The following NELL1 variants were observed in gnomAD, a reference collection of about 807,000 sequenced individuals.
The protein encoded by NELL1 is protein kinase C-binding protein NELL1.
Under a neutral mutation model 107.4 loss-of-function variants are expected in NELL1, and 76 were observed. That is an observed-to-expected ratio of 0.71 (90% CI 0.59 to 0.86). The LOEUF (loss-of-function observed/expected upper bound fraction) is 0.86. Among genes scored for constraint, NELL1 ranks in the 40% least tolerant of loss-of-function variants. The pLI, the probability that NELL1 is intolerant of heterozygous loss-of-function variation, is 0.00. For missense variants in NELL1, 1,024 were observed against 1,005.5 expected (o/e 1.02, Z -0.25); for synonymous variants, 353 against 341.2 (o/e 1.03, Z -0.38).
At chr11:20,987,627 A>C (rs1851879869) in intron 12 of NELL1, among the ~76,000 whole-genome samples, 1 of 152,168 alleles carries the variant, frequency 6.6e-6, no homozygotes, top group South Asian at 2.1e-4. Context: ...AACCACTCCG[A>C]TGATTCAATT....
At chr11:20,915,313 T>C (rs1470175824) in intron 5 of NELL1, among the ~76,000 whole-genome samples, 1 of 151,878 alleles carries the variant, frequency 6.6e-6, no homozygotes, top group Non-Finnish European at 1.5e-5. Context: ...GAGGTCCTTT[T>C]ACCATTCATC....
At chr11:21,543,518 G>GAGGT (rs1856347145) in intron 16 of NELL1, among the ~76,000 whole-genome samples, 1 of 152,002 alleles carries the variant, frequency 6.6e-6, no homozygotes, top group Non-Finnish European at 1.5e-5. Context: ...GCAGAATGGA[G>GAGGT]AGGTTAAGAA....
chr11:20,751,587 C>T (rs545236152), intron 2 of NELL1, among the ~76,000 whole-genome samples: 6 of 152,066 alleles, frequency 3.9e-5, no homozygotes, highest in African/African-American at 1.2e-4. Context: ...AGTGATGCTC[C>T]CACTCCAGCC....
chr11:21,434,125 C>G (rs180683337), intron 15 of NELL1, among the ~76,000 whole-genome samples: 1 of 152,136 alleles, frequency 6.6e-6, no homozygotes, highest in East Asian at 1.9e-4. Flanking sequence ...CAAATATTTT[C>G]TTTTATTCTA....
At chr11:20,692,965 T>A (rs993764596) in intron 2 of NELL1, among the ~76,000 whole-genome samples, 4 of 152,178 alleles carry the variant, frequency 2.6e-5, no homozygotes, top group African/African-American at 9.7e-5. Flanking sequence ...TGAATCTGGG[T>A]GCTCCTGTAT....
At chr11:21,112,177 G>A (rs911346110) in intron 12 of NELL1, among the ~76,000 whole-genome samples, 1 of 151,858 alleles carries the variant, frequency 6.6e-6, no homozygotes, top group East Asian at 1.9e-4. Flanking sequence ...TTATTTCATG[G>A]TTATGAAAGT....
chr11:21,007,881 T>A (rs1321736772), intron 12 of NELL1, among the ~76,000 whole-genome samples: 2 of 152,166 alleles, frequency 1.3e-5, no homozygotes, highest in Non-Finnish European at 2.9e-5. Flanking sequence ...GATGTCAATA[T>A]GAATAGAAAT....
intron 2 of NELL1, among the ~76,000 whole-genome samples, chr11:20,748,085 A>G (rs1248973514): frequency 1.3e-5 from 2 of 152,208 alleles, no homozygotes; most frequent in Non-Finnish European, 2.9e-5. Flanking sequence ...GTTCAGATGC[A>G]AAACCTTCAT....
intron 12 of NELL1, among the ~76,000 whole-genome samples, chr11:21,107,686 G>A (rs769873481): frequency 2.0e-5 from 3 of 152,166 alleles, no homozygotes; most frequent in Non-Finnish European, 4.4e-5. Flanking sequence ...TGCAAAAAGA[G>A]GGGGTGGCCC....
At chr11:21,172,972 C>A (rs1856638520) in intron 13 of NELL1, among the ~76,000 whole-genome samples, 1 of 151,278 alleles carries the variant, frequency 6.6e-6, no homozygotes, top group Non-Finnish European at 1.5e-5. Flanking sequence ...ATTTATAGAA[C>A]TTTATCTCTG....
At chr11:21,275,100 A>G (rs1453150083) in intron 14 of NELL1, among the ~76,000 whole-genome samples, 1 of 152,206 alleles carries the variant, frequency 6.6e-6, no homozygotes, top group African/African-American at 2.4e-5. Context: ...CAAAAAATCA[A>G]TGAATCCAGG....
chr11:21,429,204 A>G (rs776645256), intron 15 of NELL1, among the ~76,000 whole-genome samples: 1 of 152,244 alleles, frequency 6.6e-6, no homozygotes, highest in South Asian at 2.1e-4. Context: ...GTTCACTGAA[A>G]TAGTAATTTT....
intron 14 of NELL1, among the ~76,000 whole-genome samples, chr11:21,250,568 C>A (rs1041189263): frequency 2.0e-5 from 3 of 152,144 alleles, no homozygotes; most frequent in African/African-American, 7.2e-5. Context: ...GGAAAGTTGT[C>A]ATATTTTGTC....
chr11:20,775,634 G>A (rs1856736333), intron 2 of NELL1, among the ~76,000 whole-genome samples: 2 of 152,260 alleles, frequency 1.3e-5, no homozygotes, highest in Middle Eastern at 3.4e-3. Flanking sequence ...TTGCTGGTGG[G>A]TGGCAGTGTG....
intron 3 of NELL1, among the ~76,000 whole-genome samples, chr11:20,811,197 T>C (rs76098911): frequency 0.02 from 2,997 of 152,272 alleles, 104 homozygotes; most frequent in African/African-American, 0.068. Context: ...AATTTTATTA[T>C]TTTGCATTTG....
At chr11:21,378,586 T>C (rs1403393916) in intron 15 of NELL1, among the ~76,000 whole-genome samples, 1 of 152,028 alleles carries the variant, frequency 6.6e-6, no homozygotes, top group Non-Finnish European at 1.5e-5. Flanking sequence ...AAGGAACATG[T>C]GACTCCAAAC....
At chr11:21,120,302 A>G (rs1392746355) in intron 13 of NELL1, among the ~76,000 whole-genome samples, 1 of 152,166 alleles carries the variant, frequency 6.6e-6, no homozygotes, top group Non-Finnish European at 1.5e-5. Flanking sequence ...TACTCCCATG[A>G]TGAACTATAC....
intron 9 of NELL1, among the ~76,000 whole-genome samples, chr11:20,928,712 T>C (rs1330376315): frequency 2.6e-5 from 4 of 152,144 alleles, no homozygotes; most frequent in African/African-American, 9.7e-5. Flanking sequence ...GTAATTACTA[T>C]TCTTCTTTCA....
chr11:21,139,450 C>T (rs575300881), intron 13 of NELL1, among the ~76,000 whole-genome samples: 1 of 152,160 alleles, frequency 6.6e-6, no homozygotes, highest in Non-Finnish European at 1.5e-5. Flanking sequence ...ATGTTCAGTC[C>T]CTACTGTCAC....
Sources: allele counts gnomAD v4.1 joint callset (sites outside exome capture counted in the v4.1 genomes callset), GRCh38; gene constraint gnomAD v4.1.1; transcripts MANE v1.5; gene names NCBI Gene and HGNC (gene_info 2026-07-23, HGNC 2026-07-21).